Variants in CNTNAP2 observed in about 807,000 individuals in gnomAD.
CNTNAP2 encodes the protein contactin associated protein 2.
A neutral mutation model predicts 155.2 loss-of-function variants in CNTNAP2; 98 were observed. The observed-to-expected ratio is 0.63, with a 90% confidence interval of 0.54 to 0.75. The LOEUF is 0.75. Among genes scored for constraint, CNTNAP2 ranks in the 30% least tolerant of loss-of-function variants. The probability of loss-of-function intolerance (pLI) is 0.00; values close to 1 mark genes in which losing one functional copy is unlikely to be tolerated. For synonymous variants in CNTNAP2, 651 were observed against 631.2 expected (o/e 1.03, Z -0.47); for missense variants, 1,727 against 1,688.1 (o/e 1.02, Z -0.40).
chr7:147,980,933 CAAAAAAA>C lies in CNTNAP2; in HGVS notation c.2383+2961_2383+2967del, dbSNP rs34927518. Among the ~76,000 whole-genome samples the C allele has an allele frequency of 6.6e-3, 620 of 93,996 alleles. 8 individuals are homozygous for C. The highest frequency in any genetic ancestry group is 0.026 in the African/African-American group (591 of 22,774). 61.7% of individuals were successfully genotyped at this position (93,996 alleles called of 152,430 possible). A position where few individuals can be genotyped will look rare whatever the true frequency, so the allele number is the denominator to read the frequency against. The stretch of plus-strand genomic sequence containing the variant: ...GTGACAGAGCAAGACTCCATCTTAA[CAAAAAAA>C]AAAAAAAAAAAAAAAAGAATGTTCT... On this transcript the variant is annotated intron_variant, in intron 15 of 23. Transcript: ENST00000361727.
intron 1 of CNTNAP2, among the ~76,000 whole-genome samples, chr7:146,348,496 T>A (rs1248319128): frequency 1.3e-5 from 2 of 152,144 alleles, no homozygotes; most frequent in Non-Finnish European, 2.9e-5. Context: ...TTAGTGAAAG[T>A]TAAAACAAAC....
chr7:147,633,917 A>G (rs1795132454), intron 12 of CNTNAP2, among the ~76,000 whole-genome samples: 1 of 152,176 alleles, frequency 6.6e-6, no homozygotes, highest in Admixed American at 6.6e-5. Flanking sequence ...ACATTACCTT[A>G]TTCCTGCAAG....
intron 1 of CNTNAP2, among the ~76,000 whole-genome samples, chr7:146,708,636 G>T (rs28450532): frequency 9.8e-6 from 1 of 101,938 alleles, no homozygotes; most frequent in African/African-American, 3.8e-5. Context: ...TCACTGTGTT[G>T]CCCTGGCTGG....
intron 18 of CNTNAP2, among the ~76,000 whole-genome samples, chr7:148,205,086 T>C (rs1416636100): frequency 6.6e-6 from 1 of 152,226 alleles, no homozygotes; most frequent in Non-Finnish European, 1.5e-5. Context: ...CACAAGTGCC[T>C]CTTTTCACTA....
intron 2 of CNTNAP2, among the ~76,000 whole-genome samples, chr7:146,818,681 G>GT (rs1803220620): frequency 1.3e-5 from 2 of 152,070 alleles, no homozygotes; most frequent in South Asian, 4.1e-4. Context: ...TTTGATAAAT[G>GT]TAACATTTAA....
At chr7:146,768,456 A>G (rs79145880) in intron 1 of CNTNAP2, among the ~76,000 whole-genome samples, 17,572 of 151,708 alleles carry the variant, frequency 0.12, 1,312 homozygotes, top group African/African-American at 0.21. Flanking sequence ...GCATTAACTA[A>G]TGACCCTGAA....
At chr7:146,912,496 G>A (rs1243269288) in intron 3 of CNTNAP2, among the ~76,000 whole-genome samples, 4 of 152,056 alleles carry the variant, frequency 2.6e-5, no homozygotes, top group African/African-American at 4.8e-5. Flanking sequence ...GTTTAGCAGG[G>A]CCTCAGGGTA....
chr7:146,911,813 A>C (rs1016521750), intron 3 of CNTNAP2, among the ~76,000 whole-genome samples: 2 of 152,146 alleles, frequency 1.3e-5, no homozygotes, highest in Non-Finnish European at 2.9e-5. Context: ...TAATAATAAA[A>C]AAAATAAATA....
chr7:146,194,983 C>T (rs1430672500), intron 1 of CNTNAP2: 1 of 152,150 alleles, frequency 6.6e-6, no homozygotes, highest in Non-Finnish European at 1.5e-5. Flanking sequence ...AAATACTAAT[C>T]TGTGAATGTT....
intron 1 of CNTNAP2, among the ~76,000 whole-genome samples, chr7:146,119,997 G>T (rs1472624349): frequency 6.6e-6 from 1 of 151,688 alleles, no homozygotes; most frequent in African/African-American, 2.4e-5. Flanking sequence ...ATGTAAAAAT[G>T]TGTATATTTA....
At chr7:148,087,980 A>T (rs186640027) in intron 15 of CNTNAP2, among the ~76,000 whole-genome samples, 2 of 152,194 alleles carry the variant, frequency 1.3e-5, no homozygotes, top group East Asian at 1.9e-4. Flanking sequence ...TTTATTTTGG[A>T]ATTGAAATAT....
intron 1 of CNTNAP2, among the ~76,000 whole-genome samples, chr7:146,127,791 A>G (rs547059804): frequency 1.4e-4 from 22 of 152,306 alleles, no homozygotes; most frequent in South Asian, 4.1e-4. Context: ...GATGTCACCA[A>G]ATCTTCTAAA....
intron 3 of CNTNAP2, among the ~76,000 whole-genome samples, chr7:146,985,394 T>G (rs1188823802): frequency 6.8e-6 from 1 of 147,336 alleles, no homozygotes; most frequent in Admixed American, 6.8e-5. Flanking sequence ...CTCGGCTCAC[T>G]GCAAGCTCCG....
chr7:147,450,407 C>G (rs747120380), intron 10 of CNTNAP2, among the ~76,000 whole-genome samples: 1 of 152,102 alleles, frequency 6.6e-6, no homozygotes, highest in Non-Finnish European at 1.5e-5. Flanking sequence ...AGAGTTTTTC[C>G]CCAGTGCCTT....
chr7:147,503,809 A>G (rs1798860627), intron 11 of CNTNAP2, among the ~76,000 whole-genome samples: 1 of 152,090 alleles, frequency 6.6e-6, no homozygotes, highest in Non-Finnish European at 1.5e-5. Flanking sequence ...TAAATTGTGT[A>G]GGCCTAAGTT....
At chr7:148,379,780 A>G (rs1730405) in intron 21 of CNTNAP2, among the ~76,000 whole-genome samples, 108,625 of 151,782 alleles carry the variant, frequency 0.72, 39,970 homozygotes, top group Admixed American at 0.81. Context: ...AAAGGAGCTC[A>G]AGCATGTACA....
intron 1 of CNTNAP2, among the ~76,000 whole-genome samples, chr7:146,562,731 A>T (rs1352060518): frequency 2.6e-5 from 4 of 152,178 alleles, no homozygotes; most frequent in Non-Finnish European, 5.9e-5. Context: ...TACAGTTTCC[A>T]AAATATATTT....
intron 13 of CNTNAP2, among the ~76,000 whole-genome samples, chr7:147,701,794 A>G (rs1796238949): frequency 6.6e-6 from 1 of 152,182 alleles, no homozygotes; most frequent in Non-Finnish European, 1.5e-5. Context: ...TTCTAGTTAT[A>G]AGGCCGAACT....
intron 1 of CNTNAP2, among the ~76,000 whole-genome samples, chr7:146,247,593 A>C (rs945959108): frequency 3.3e-5 from 5 of 152,224 alleles, no homozygotes; most frequent in African/African-American, 1.2e-4. Context: ...GTGCCTGGAC[A>C]TCAGGCACCT....
Sources: gnomAD v4.1 joint callset for allele counts (sites outside exome capture counted in the v4.1 genomes callset) on GRCh38, gnomAD v4.1.1 for gene constraint, MANE v1.5 for transcripts, NCBI Gene and HGNC (gene_info 2026-07-23, HGNC 2026-07-21) for gene names.